PPP4R4: variants seen among roughly 807,000 people sequenced by gnomAD.
PPP4R4 encodes the protein protein phosphatase 4 regulatory subunit 4, also known as serine/threonine-protein phosphatase 4 regulatory subunit 4.
In PPP4R4, 70 loss-of-function variants were observed where a neutral mutation model predicts 121.8. The observed-to-expected ratio is 0.57, with a 90% confidence interval of 0.47 to 0.70. The LOEUF is 0.70. Ranked by LOEUF, PPP4R4 falls within the 30% of genes least tolerant of loss-of-function variation. The pLI is 0.00. For missense variants in PPP4R4, 875 were observed against 1,033.6 expected, an observed-to-expected ratio of 0.85 and a Z score of 2.10; for synonymous variants, 348 against 355.7, an observed-to-expected ratio of 0.98 and a Z score of 0.24.
intron 3 of PPP4R4, chr14:94,227,597 C>T (rs1891788993): frequency 3.9e-6 from 5 of 1,271,580 alleles, no homozygotes; most frequent in East Asian, 3.2e-5. Flanking sequence ...AATGTTGCTG[C>T]GGGAGTCAAG....
intron 2 of PPP4R4, among the ~76,000 whole-genome samples, chr14:94,201,230 G>A (rs1890161560): frequency 6.6e-6 from 1 of 152,144 alleles, no homozygotes. Context: ...ATTGAGACTT[G>A]TTTTGTGGCC....
intron 16 of PPP4R4, among the ~76,000 whole-genome samples, chr14:94,254,183 A>G (rs1197345992): frequency 6.6e-6 from 1 of 152,224 alleles, no homozygotes; most frequent in Non-Finnish European, 1.5e-5. Flanking sequence ...ATAGAGATGA[A>G]TCATTACGAT....
intron 2 of PPP4R4, among the ~76,000 whole-genome samples, chr14:94,199,187 TC>T (rs1342015885): frequency 6.6e-6 from 1 of 152,280 alleles, no homozygotes; most frequent in African/African-American, 2.4e-5. Context: ...CTCAGCATGT[TC>T]TGTAATTTTT....
intron 6 of PPP4R4, 146 bp downstream of exon 6, chr14:94,233,905 G>T: frequency 1.6e-6 from 1 of 611,228 alleles, no homozygotes; most frequent in South Asian, 2.3e-5. Flanking sequence ...TTCTCATGAC[G>T]AATTTACTTA....
intron 24 of PPP4R4, among the ~76,000 whole-genome samples, chr14:94,276,424 A>G (rs182030180): frequency 2.0e-5 from 3 of 152,356 alleles, no homozygotes; most frequent in Admixed American, 2.0e-4. Context: ...TAATTGGCTC[A>G]TAGTTCTGCA....
intron 2 of PPP4R4, among the ~76,000 whole-genome samples, chr14:94,188,183 T>G (rs543524154): frequency 6.6e-6 from 1 of 152,304 alleles, no homozygotes; most frequent in East Asian, 1.9e-4. Context: ...TTTCTGTATC[T>G]ATTGATATGG....
chr14:94,245,810 T>C, intron 13 of PPP4R4, 140 bp downstream of exon 13: 1 of 495,676 alleles, frequency 2.0e-6, no homozygotes, highest in South Asian at 5.0e-5. Flanking sequence ...AGTAAAAGCC[T>C]ATTAGAGTTT....
chr14:94,185,326 C>T (rs771196914), intron 2 of PPP4R4, among the ~76,000 whole-genome samples: 5 of 152,050 alleles, frequency 3.3e-5, no homozygotes, highest in African/African-American at 7.2e-5. Flanking sequence ...GGCAATATAG[C>T]GAGACCCTGT....
intron 3 of PPP4R4, among the ~76,000 whole-genome samples, chr14:94,219,990 G>A (rs1469825646): frequency 2.6e-5 from 4 of 152,276 alleles, no homozygotes; most frequent in African/African-American, 7.2e-5. Flanking sequence ...TTCGGAGGCC[G>A]AGGCAGGTGG....
chr14:94,265,742 G>A, intron 21 of PPP4R4, 52 bp from the exon 22 acceptor site: 2 of 1,313,284 alleles, frequency 1.5e-6, no homozygotes, highest in South Asian at 1.3e-5. Context: ...GGGGGTTGGA[G>A]CAGCCGAGGA....
chr14:94,275,321 AC>A, intron 23 of PPP4R4, 52 bp from the exon 24 acceptor site: 1 of 1,576,896 alleles, frequency 6.3e-7, no homozygotes, highest in African/African-American at 1.3e-5. Flanking sequence ...CTCTTTGGTT[AC>A]CCTCTTTGTT....
chr14:94,182,278 G>A (rs879371318), intron 2 of PPP4R4, among the ~76,000 whole-genome samples: 6 of 152,010 alleles, frequency 3.9e-5, no homozygotes, highest in Non-Finnish European at 8.8e-5. Context: ...ATTTTTTAAC[G>A]CGAACTTTGA....
At chr14:94,269,362 T>C (rs1894202549) in intron 23 of PPP4R4, among the ~76,000 whole-genome samples, 1 of 151,886 alleles carries the variant, frequency 6.6e-6, no homozygotes, top group African/African-American at 2.4e-5. Flanking sequence ...GGAGTGAGTA[T>C]AATGGAGTAG....
chr14:94,258,559 A>G (rs1231694758), intron 17 of PPP4R4, among the ~76,000 whole-genome samples: 1 of 152,172 alleles, frequency 6.6e-6, no homozygotes, highest in East Asian at 1.9e-4. Context: ...TGGTCTTCTT[A>G]AGGTTAAAAA....
intron 2 of PPP4R4, among the ~76,000 whole-genome samples, chr14:94,195,675 TA>T (rs974166834): frequency 1.4e-4 from 21 of 150,844 alleles, no homozygotes; most frequent in African/African-American, 4.6e-4. Flanking sequence ...AAATGATGAT[TA>T]AAAAAAAATG....
At chr14:94,271,397 G>T (rs1484668128) in intron 23 of PPP4R4, among the ~76,000 whole-genome samples, 1 of 152,032 alleles carries the variant, frequency 6.6e-6, no homozygotes, top group African/African-American at 2.4e-5. Context: ...ACACTAACAG[G>T]CCAAGGAAGA....
At chr14:94,226,714 A>C (rs1891725015) in intron 3 of PPP4R4, among the ~76,000 whole-genome samples, 1 of 152,160 alleles carries the variant, frequency 6.6e-6, no homozygotes, top group Non-Finnish European at 1.5e-5. Flanking sequence ...TCAGTGTTTT[A>C]ATATAGAAGT....
chr14:94,233,203 A>G lies in PPP4R4; in HGVS notation c.517-450A>G, dbSNP rs578025507. 1.4e-3 allele frequency among the ~76,000 whole-genome samples: 218 copies of G among 152,336 alleles called. 1 individual carries two copies. Among genetic ancestry groups the G allele is most frequent in the Non-Finnish European group, 2.6e-3 (174 of 68,030 alleles). ...CAGTATATACATAATGCAATATCAG[A>G]CTTGGCTTATTGTACTCAAATGACA... On this transcript the variant is annotated intron_variant, in intron 5 of 24. Transcript: ENST00000304338.
In PPP4R4 at chr14:94,242,417, GA is replaced by G. The variant is rs765355782; in HGVS notation, c.1266+11del. 273 of 1,604,694 alleles carry G rather than the reference GA, an allele frequency of 1.7e-4. No individual in the cohort carries two copies. Among genetic ancestry groups the G allele is most frequent in the Non-Finnish European group, 2.2e-4 (263 of 1,172,068 alleles). The stretch of plus-strand genomic sequence containing the variant: ...CTATTTGCTTTTATGAAGTAAGTCT[GA>G]AGACTTGATATCACTTTACGTTTGT... On this transcript the variant is annotated intron_variant, in intron 11 of 24. Transcript: ENST00000304338.
Sources: allele counts gnomAD v4.1 joint callset (sites outside exome capture counted in the v4.1 genomes callset), GRCh38; gene constraint gnomAD v4.1.1; transcripts MANE v1.5; gene names NCBI Gene and HGNC (gene_info 2026-07-23, HGNC 2026-07-21).